UPB1: variants seen among roughly 807,000 people sequenced by gnomAD.
The protein encoded by UPB1 is beta-ureidopropionase.
Under a neutral mutation model 49.1 loss-of-function variants are expected in UPB1, and 40 were observed. The ratio of observed to expected loss-of-function variants is 0.81; its 90% CI spans 0.63 to 1.06. The LOEUF is 1.06. UPB1 is among the 50% of genes least tolerant of loss of function. The probability of loss-of-function intolerance (pLI) is 0.00; values close to 1 mark genes in which losing one functional copy is unlikely to be tolerated. For synonymous variants in UPB1, 207 were observed against 198.2 expected (o/e 1.04, Z -0.38); for missense variants, 499 against 505.9 (o/e 0.99, Z 0.13).
chr22:24,508,296 C>T (rs189663078), intron 3 of UPB1, among the ~76,000 whole-genome samples: 12 of 152,330 alleles, frequency 7.9e-5, no homozygotes, highest in Admixed American at 5.2e-4. Flanking sequence ...TGGTGGCTCA[C>T]GCCTGTAATC....
chr22:24,513,578 G>T (rs2044244287), intron 5 of UPB1, 93 bp downstream of exon 5: 1 of 1,519,018 alleles, frequency 6.6e-7, no homozygotes, highest in South Asian at 1.2e-5. Flanking sequence ...GAAGTTCTGT[G>T]CAGGATCATA....
At chr22:24,523,936 C>T (rs2147044537) in intron 9 of UPB1, among the ~76,000 whole-genome samples, 163 bp downstream of exon 9, 1 of 152,348 alleles carries the variant, frequency 6.6e-6, no homozygotes, top group Non-Finnish European at 1.5e-5. Flanking sequence ...CTTGCTGGCT[C>T]CCGGGAGGAA....
chr22:24,523,013 T>C (rs2044422995), intron 8 of UPB1, among the ~76,000 whole-genome samples: 1 of 149,672 alleles, frequency 6.7e-6, no homozygotes, highest in Admixed American at 6.6e-5. Flanking sequence ...AAACACTTCC[T>C]GAAAGGGTCC....
At chr22:24,523,981 C>T (rs1279993163) in intron 9 of UPB1, among the ~76,000 whole-genome samples, 15 of 152,238 alleles carry the variant, frequency 9.9e-5, no homozygotes, top group Admixed American at 9.2e-4. Flanking sequence ...CAGCAGGCTG[C>T]AATAAATTCT....
intron 2 of UPB1, among the ~76,000 whole-genome samples, chr22:24,500,680 G>A (rs906366401): frequency 5.3e-5 from 8 of 152,254 alleles, no homozygotes; most frequent in African/African-American, 1.9e-4. Context: ...TTAATCCTCA[G>A]GGCGGGGACT....
chr22:24,509,361 GAAAAA>G (rs202081655), intron 3 of UPB1, among the ~76,000 whole-genome samples: 30 of 92,152 alleles, frequency 3.3e-4, no homozygotes, highest in East Asian at 9.9e-4. Flanking sequence ...CCTACTGTTT[GAAAAA>G]AAAAAAAAAA....
intron 9 of UPB1, 53 bp downstream of exon 9, chr22:24,523,826 C>G: frequency 6.2e-7 from 1 of 1,612,216 alleles, no homozygotes. Context: ...GGCCCTCATC[C>G]TGCTCTCAGG....
chr22:24,503,595 G>T (rs2044033614), intron 3 of UPB1: 1 of 152,092 alleles, frequency 6.6e-6, no homozygotes, highest in South Asian at 2.1e-4. Flanking sequence ...GTGGCCAGAG[G>T]TAAGAACTTA....
rs765900681 is a variant in UPB1, at chr22:24,515,155, A to G, written c.622-46A>G. On this transcript the variant is annotated intron_variant, in intron 5 of 9. Transcript: ENST00000326010. ...TCAGTTTTTCTGCTGAGTCTAAGGAAATCTTGAAGGTCAGAGGCATCAGTA... is the reference window on the plus strand; with the variant it reads ...TCAGTTTTTCTGCTGAGTCTAAGGAGATCTTGAAGGTCAGAGGCATCAGTA... The G allele has an allele frequency of 8.1e-6, 13 of 1,612,850 alleles. No homozygotes were observed. The South Asian group carries it at 1.4e-4, about 18-fold the overall frequency.
intron 3 of UPB1, among the ~76,000 whole-genome samples, chr22:24,506,473 C>T (rs1304390119): frequency 1.3e-5 from 2 of 152,224 alleles, no homozygotes; most frequent in Admixed American, 1.3e-4. Flanking sequence ...TTTCTCTGAT[C>T]TGCTGAGAGA....
At chr22:24,515,466 G>A (rs988786819) in intron 6 of UPB1, 96 bp downstream of exon 6, 17 of 1,534,358 alleles carry the variant, frequency 1.1e-5, no homozygotes, top group Middle Eastern at 2.0e-4. Flanking sequence ...GCAGGCAGGC[G>A]CAGCCACCAG....
intron 6 of UPB1, among the ~76,000 whole-genome samples, chr22:24,518,911 C>A (rs1403735125): frequency 3.3e-5 from 5 of 152,164 alleles, no homozygotes; most frequent in Non-Finnish European, 7.3e-5. Flanking sequence ...CCCCACTCCC[C>A]ATCAGACGTC....
At chr22:24,513,265 TA>T (rs2044237624) in intron 4 of UPB1, 58 bp from the exon 5 acceptor site, 2 of 1,612,976 alleles carry the variant, frequency 1.2e-6, no homozygotes, top group South Asian at 2.2e-5. Context: ...TCTTCTTTGA[TA>T]AAAAACTACA....
At chr22:24,518,832 G>A (rs2044340413) in intron 6 of UPB1, among the ~76,000 whole-genome samples, 1 of 152,176 alleles carries the variant, frequency 6.6e-6, no homozygotes, top group African/African-American at 2.4e-5. Flanking sequence ...TCCTCTTGCT[G>A]CATCTTGCCT....
At chr22:24,504,576 C>T (rs567533400) in intron 3 of UPB1, among the ~76,000 whole-genome samples, 1 of 152,206 alleles carries the variant, frequency 6.6e-6, no homozygotes, top group South Asian at 2.1e-4. Context: ...TTCTTTTAGT[C>T]TAGAAACTTG....
intron 3 of UPB1, among the ~76,000 whole-genome samples, chr22:24,509,365 A>AGG (rs2044151964): frequency 3.3e-4 from 7 of 20,998 alleles, no homozygotes; most frequent in African/African-American, 1.7e-3. Flanking sequence ...CTGTTTGAAA[A>AGG]AAAAAAAAAA....
chr22:24,521,413 G>A (rs1309330430), intron 7 of UPB1, among the ~76,000 whole-genome samples: 1 of 152,006 alleles, frequency 6.6e-6, no homozygotes, highest in African/African-American at 2.4e-5. Context: ...AACCCGGGAG[G>A]TGGAAGAGCC....
At position 24,502,233 on chromosome 22, in the gene UPB1, C is replaced by A; in HGVS notation, c.364+20C>A. Reference sequence around the variant, plus strand: ...CATGGAGTGAGTCTTTTTTATGGTGCTTTCTCTGCTGCCTTCAAACAATTG... The same window carrying A: ...CATGGAGTGAGTCTTTTTTATGGTGATTTCTCTGCTGCCTTCAAACAATTG... On this transcript the variant is annotated intron_variant, in intron 3 of 9. Transcript: ENST00000326010. 2 of 1,607,864 alleles carry A rather than the reference C, an allele frequency of 1.2e-6. No individual in the cohort carries two copies. Among genetic ancestry groups the A allele is most frequent in the Non-Finnish European group, 1.7e-6 (2 of 1,174,316 alleles).
rs200677387 is a variant in UPB1, at chr22:24,495,397, C to T, written c.-7C>T. Reference sequence around the variant, plus strand: ...TGCGCGGACACAAGCACTGGCGGACCGTGGCCATGGCGGGCGCTGAGTGGA... The same window carrying T: ...TGCGCGGACACAAGCACTGGCGGACTGTGGCCATGGCGGGCGCTGAGTGGA... On this transcript the variant is annotated 5_prime_UTR_variant, in exon 1 of 10. Coordinates refer to ENST00000326010, the MANE Select transcript of UPB1 (RefSeq NM_016327.3). 1.4e-5 allele frequency: 23 copies of T among 1,612,668 alleles called. No individual in the cohort carries two copies. The highest frequency in any genetic ancestry group is 7.7e-5 in the South Asian group (7 of 91,078).
Sources: gnomAD v4.1 joint callset for allele counts (sites outside exome capture counted in the v4.1 genomes callset) on GRCh38, gnomAD v4.1.1 for gene constraint, MANE v1.5 for transcripts, NCBI Gene and HGNC (gene_info 2026-07-23, HGNC 2026-07-21) for gene names.